The following PRKG1 variants were observed in gnomAD, a reference collection of about 807,000 sequenced individuals.
The protein encoded by PRKG1 is cGMP-dependent protein kinase 1.
Under a neutral mutation model 88.1 loss-of-function variants are expected in PRKG1, and 35 were observed. The observed-to-expected ratio is 0.40, with a 90% CI of 0.30 to 0.53. The LOEUF is 0.53. Among genes scored for constraint, PRKG1 ranks in the 20% least tolerant of loss-of-function variants. PRKG1 has a pLI of 0.59. For synonymous variants in PRKG1, 303 were observed against 292.5 expected (o/e 1.04, Z -0.37); for missense variants, 540 against 839.8 (o/e 0.64, Z 4.41).
At chr10:51,244,333 A>G (rs1227094385) in intron 2 of PRKG1, among the ~76,000 whole-genome samples, 1 of 121,446 alleles carries the variant, frequency 8.2e-6, no homozygotes, top group Non-Finnish European at 1.7e-5. Flanking sequence ...TTTACCATTT[A>G]TATTGTCAAG....
At chr10:51,530,460 T>G (rs531513784) in intron 3 of PRKG1, among the ~76,000 whole-genome samples, 1 of 152,286 alleles carries the variant, frequency 6.6e-6, no homozygotes, top group Middle Eastern at 3.4e-3. Context: ...CATAACAGAA[T>G]TCAACTTTGT....
At chr10:51,179,825 C>T (rs1208384318) in intron 2 of PRKG1, among the ~76,000 whole-genome samples, 1 of 152,120 alleles carries the variant, frequency 6.6e-6, no homozygotes, top group Non-Finnish European at 1.5e-5. Context: ...GCTGTGTGAT[C>T]TCAAGTAGAT....
At chr10:52,069,095 G>C (rs77055176) in intron 7 of PRKG1, among the ~76,000 whole-genome samples, 26,251 of 152,056 alleles carry the variant, frequency 0.17, 2,868 homozygotes, top group South Asian at 0.28. Context: ...GCCAAAGTCA[G>C]TTGAATAGAC....
At chr10:51,591,296 A>G (rs1158364476) in intron 3 of PRKG1, among the ~76,000 whole-genome samples, 1 of 152,208 alleles carries the variant, frequency 6.6e-6, no homozygotes, top group Non-Finnish European at 1.5e-5. Context: ...AACTGTTGGT[A>G]GCTATTTGAT....
chr10:51,067,500 A>T (rs1843767791), intron 1 of PRKG1, among the ~76,000 whole-genome samples: 1 of 152,016 alleles, frequency 6.6e-6, no homozygotes. Context: ...AACAGCAGCA[A>T]TTGCTTTTAA....
chr10:51,005,295 G>A (rs958700168), intron 1 of PRKG1, among the ~76,000 whole-genome samples: 10 of 152,108 alleles, frequency 6.6e-5, no homozygotes, highest in South Asian at 2.1e-4. Context: ...AAATGATCCC[G>A]GGAATCACAG....
chr10:52,117,164 C>CTCTGTGTGTG (rs370059457), intron 7 of PRKG1, among the ~76,000 whole-genome samples: 2 of 139,200 alleles, frequency 1.4e-5, no homozygotes, highest in Non-Finnish European at 3.1e-5. Flanking sequence ...TGTGAAATAT[C>CTCTGTGTGTG]TGTGTGTGTG....
At chr10:51,172,604 G>C (rs74131789) in intron 2 of PRKG1, among the ~76,000 whole-genome samples, 1,110 of 104,944 alleles carry the variant, frequency 0.011, 19 homozygotes, top group African/African-American at 0.042. Context: ...GTCTGTCTAT[G>C]TATGTATGTA....
chr10:51,622,511 A>G (rs1282731451), intron 3 of PRKG1, among the ~76,000 whole-genome samples: 1 of 152,232 alleles, frequency 6.6e-6, no homozygotes, highest in Non-Finnish European at 1.5e-5. Context: ...TCTGCTTTCT[A>G]TGACAGTTCC....
At chr10:52,252,482 A>G (rs1841197708) in intron 10 of PRKG1, 1 of 152,138 alleles carries the variant, frequency 6.6e-6, no homozygotes, top group South Asian at 2.1e-4. Flanking sequence ...TGCTGAACAT[A>G]GAGGAGTTCC....
chr10:51,078,234 G>A (rs978003410), intron 1 of PRKG1, among the ~76,000 whole-genome samples: 5 of 150,892 alleles, frequency 3.3e-5, no homozygotes, highest in African/African-American at 1.2e-4. Flanking sequence ...TGTTGTTGTT[G>A]TTGAGACAGA....
At chr10:51,407,090 G>A (rs1022721868) in intron 2 of PRKG1, among the ~76,000 whole-genome samples, 21 of 152,180 alleles carry the variant, frequency 1.4e-4, no homozygotes, top group African/African-American at 4.3e-4. Context: ...GATGCCCACC[G>A]GGATTAAGTG....
intron 9 of PRKG1, among the ~76,000 whole-genome samples, chr10:52,214,530 T>A (rs528330440): frequency 6.6e-6 from 1 of 152,206 alleles, no homozygotes; most frequent in Non-Finnish European, 1.5e-5. Context: ...TATGTATGTA[T>A]AGCACTTTGT....
intron 3 of PRKG1, among the ~76,000 whole-genome samples, chr10:51,770,104 C>T (rs577548805): frequency 1.1e-4 from 16 of 152,280 alleles, no homozygotes; most frequent in Admixed American, 2.6e-4. Flanking sequence ...ATACTAACTT[C>T]CTGAACCAAA....
At chr10:51,813,032 A>G (rs1387633874) in intron 4 of PRKG1, among the ~76,000 whole-genome samples, 2 of 152,158 alleles carry the variant, frequency 1.3e-5, no homozygotes, top group African/African-American at 4.8e-5. Context: ...TCCTGGGCCA[A>G]ATGTGTTGTT....
intron 7 of PRKG1, among the ~76,000 whole-genome samples, chr10:52,118,816 T>C (rs970986754): frequency 6.6e-6 from 1 of 152,088 alleles, no homozygotes; most frequent in East Asian, 1.9e-4. Context: ...GCAAGCTAGC[T>C]CTTTATTCAG....
chr10:51,919,012 G>A (rs1842404623), intron 5 of PRKG1, among the ~76,000 whole-genome samples: 1 of 152,118 alleles, frequency 6.6e-6, no homozygotes, highest in Admixed American at 6.6e-5. Flanking sequence ...TTCAGTTTTA[G>A]CCACAGAATA....
At chr10:51,922,949 T>G (rs1842492827) in intron 5 of PRKG1, among the ~76,000 whole-genome samples, 1 of 152,068 alleles carries the variant, frequency 6.6e-6, no homozygotes, top group African/African-American at 2.4e-5. Flanking sequence ...ACATCCTTAC[T>G]AAAATTCTAC....
chr10:51,087,084 C>T (rs1294041940), intron 1 of PRKG1, among the ~76,000 whole-genome samples: 1 of 152,164 alleles, frequency 6.6e-6, no homozygotes, highest in Non-Finnish European at 1.5e-5. Flanking sequence ...TAGATTTCAA[C>T]ACTTCTTTTT....
Sources: allele counts gnomAD v4.1 joint callset (sites outside exome capture counted in the v4.1 genomes callset), GRCh38; gene constraint gnomAD v4.1.1; transcripts MANE v1.5; gene names NCBI Gene and HGNC (gene_info 2026-07-23, HGNC 2026-07-21).